Variants in KCNIP4 observed in about 807,000 individuals in gnomAD.
The protein encoded by KCNIP4 is potassium voltage-gated channel interacting protein 4.
KCNIP4 carries 12 observed loss-of-function variants against 34.0 expected under a neutral mutation model. The observed-to-expected ratio is 0.35, with a 90% CI of 0.23 to 0.57. The LOEUF (loss-of-function observed/expected upper bound fraction) is 0.57. Among genes scored for constraint, KCNIP4 ranks in the 20% least tolerant of loss-of-function variants. The pLI is 0.83. For synonymous variants in KCNIP4, 124 were observed against 102.2 expected, an observed-to-expected ratio of 1.21 and a Z score of -1.29; for missense variants, 238 against 311.7, an observed-to-expected ratio of 0.76 and a Z score of 1.78.
At chr4:20,966,478 G>A (rs1010170850) in intron 1 of KCNIP4, among the ~76,000 whole-genome samples, 1 of 152,046 alleles carries the variant, frequency 6.6e-6, no homozygotes, top group Non-Finnish European at 1.5e-5. Context: ...AGAACACTTA[G>A]TACTAAAAGT....
At chr4:21,185,676 G>A (rs948413098) in intron 1 of KCNIP4, among the ~76,000 whole-genome samples, 4 of 152,124 alleles carry the variant, frequency 2.6e-5, no homozygotes, top group Non-Finnish European at 5.9e-5. Context: ...AAGATAGCTT[G>A]TCTTTGTCAT....
intron 1 of KCNIP4, among the ~76,000 whole-genome samples, chr4:21,787,690 A>T (rs1443791528): frequency 1.3e-5 from 2 of 152,208 alleles, no homozygotes; most frequent in Non-Finnish European, 2.9e-5. Flanking sequence ...CCTTCCCATT[A>T]TAACGTTTCA....
intron 3 of KCNIP4, among the ~76,000 whole-genome samples, chr4:20,790,793 A>C (rs551559179): frequency 1.3e-5 from 2 of 152,312 alleles, no homozygotes; most frequent in Non-Finnish European, 2.9e-5. Context: ...AAGTTGGAGA[A>C]TAGACAACAT....
At chr4:21,070,216 A>C (rs1256333969) in intron 1 of KCNIP4, among the ~76,000 whole-genome samples, 1 of 152,170 alleles carries the variant, frequency 6.6e-6, no homozygotes, top group Non-Finnish European at 1.5e-5. Context: ...TGGATGTACC[A>C]GAGTTTGTTT....
chr4:20,960,886 A>G (rs1056922994), intron 1 of KCNIP4, among the ~76,000 whole-genome samples: 4 of 152,298 alleles, frequency 2.6e-5, no homozygotes, highest in Middle Eastern at 3.4e-3. Context: ...AAATGGAAAG[A>G]TTAAGGAAGT....
chr4:21,018,219 G>A (rs4627857), intron 1 of KCNIP4, among the ~76,000 whole-genome samples: 61,855 of 151,998 alleles, frequency 0.41, 14,059 homozygotes, highest in African/African-American at 0.63. Flanking sequence ...TGTTGTCATC[G>A]TTTTATGTTT....
intron 1 of KCNIP4, among the ~76,000 whole-genome samples, chr4:21,070,640 T>A (rs1458687584): frequency 6.6e-6 from 1 of 151,198 alleles, no homozygotes; most frequent in Non-Finnish European, 1.5e-5. Flanking sequence ...TTGAATTGTC[T>A]GTTTTTACTG....
At chr4:21,879,868 T>C (rs571190609) in intron 1 of KCNIP4, among the ~76,000 whole-genome samples, 1 of 152,266 alleles carries the variant, frequency 6.6e-6, no homozygotes, top group East Asian at 1.9e-4. Context: ...CACGTTAGTC[T>C]CATGATCGTA....
At chr4:21,077,620 C>A (rs1238389292) in intron 1 of KCNIP4, among the ~76,000 whole-genome samples, 1 of 152,056 alleles carries the variant, frequency 6.6e-6, no homozygotes, top group Admixed American at 6.6e-5. Flanking sequence ...TTTCTAAGAG[C>A]CTTCGTTGTC....
intron 1 of KCNIP4, among the ~76,000 whole-genome samples, chr4:21,211,777 C>T (rs190573131): frequency 1.9e-4 from 29 of 152,092 alleles, no homozygotes; most frequent in South Asian, 6.2e-4. Flanking sequence ...CAATTATATC[C>T]GGTTTACAGG....
intron 1 of KCNIP4, among the ~76,000 whole-genome samples, chr4:21,533,311 T>A (rs1736864864): frequency 6.6e-6 from 1 of 152,166 alleles, no homozygotes; most frequent in African/African-American, 2.4e-5. Flanking sequence ...CCTGCTCTGT[T>A]TGCTATTCAA....
chr4:21,868,593 G>A (rs1312186317), intron 1 of KCNIP4, among the ~76,000 whole-genome samples: 1 of 152,188 alleles, frequency 6.6e-6, no homozygotes, highest in Non-Finnish European at 1.5e-5. Flanking sequence ...ACTTGAAAGA[G>A]TGTCTGGCTC....
chr4:21,076,566 T>C (rs1257938593), intron 1 of KCNIP4, among the ~76,000 whole-genome samples: 1 of 152,178 alleles, frequency 6.6e-6, no homozygotes, highest in Admixed American at 6.6e-5. Context: ...ATAAAAATTG[T>C]TAATTGACTG....
rs559414659 is a variant in KCNIP4, at chr4:21,548,821, T to C, written c.61+399750A>G. 2.0e-3 allele frequency among the ~76,000 whole-genome samples: 308 copies of C among 152,150 alleles called. 1 individual carries two copies. Among genetic ancestry groups the C allele is most frequent in the African/African-American group, 7.1e-3 (296 of 41,508 alleles). On this transcript the variant is annotated intron_variant, in intron 1 of 8. Transcript: ENST00000382152. The stretch of plus-strand genomic sequence containing the variant: ...AAATGAGGAAACCCTCTCTCACCTA[T>C]AAATTATAATTTAAGCATTCTGTAA...
At chr4:21,050,176 ATATT>A (rs1742798836) in intron 1 of KCNIP4, among the ~76,000 whole-genome samples, 1 of 152,356 alleles carries the variant, frequency 6.6e-6, no homozygotes, top group African/African-American at 2.4e-5. Flanking sequence ...CTGGAAATAA[ATATT>A]TACTATTTTT....
intron 1 of KCNIP4, among the ~76,000 whole-genome samples, chr4:21,608,338 C>A (rs1009897147): frequency 2.0e-5 from 3 of 152,164 alleles, no homozygotes; most frequent in Admixed American, 1.3e-4. Flanking sequence ...AGAGGAATGT[C>A]TCTGTTCTTG....
chr4:20,977,845 A>G (rs1179824348), intron 1 of KCNIP4, among the ~76,000 whole-genome samples: 2 of 152,180 alleles, frequency 1.3e-5, no homozygotes, highest in African/African-American at 2.4e-5. Context: ...GCCTTCCCCA[A>G]AATCTTCTAG....
rs781484276 is a variant in KCNIP4 at position 21,671,863 on chromosome 4, C to T, written c.61+276708G>A. On this transcript the variant is annotated intron_variant, in intron 1 of 8. Coordinates refer to ENST00000382152, the MANE Select transcript of KCNIP4 (RefSeq NM_025221.6). Reference sequence around the variant, plus strand: ...GATACCCAAAAAATTGAATTCCTCCCCAGCAATGCCCCTTCACTTAAAGGT... The same window carrying T: ...GATACCCAAAAAATTGAATTCCTCCTCAGCAATGCCCCTTCACTTAAAGGT... Among the ~76,000 whole-genome samples, 79 of 152,240 alleles carry T rather than the reference C, an allele frequency of 5.2e-4. 1 individual carries two copies. The highest frequency in any genetic ancestry group is 3.5e-4 in the Non-Finnish European group (24 of 68,016).
At chr4:21,048,931 A>C (rs1577596396) in intron 1 of KCNIP4, among the ~76,000 whole-genome samples, 1 of 142,592 alleles carries the variant, frequency 7.0e-6, no homozygotes, top group African/African-American at 2.6e-5. Context: ...CTCTTTCAGT[A>C]CCTTCTGTTT....
Sources: allele counts gnomAD v4.1 joint callset (sites outside exome capture counted in the v4.1 genomes callset), GRCh38; gene constraint gnomAD v4.1.1; transcripts MANE v1.5; gene names NCBI Gene and HGNC (gene_info 2026-07-23, HGNC 2026-07-21).